Variants in MRPS15 observed in about 807,000 individuals in gnomAD.
MRPS15 encodes the protein mitochondrial ribosomal protein S15.
In MRPS15, 25 loss-of-function variants were observed where a neutral mutation model predicts 30.7. That is an observed-to-expected ratio of 0.81 (90% CI 0.59 to 1.14). MRPS15 has a LOEUF of 1.14. Among genes scored for constraint, MRPS15 ranks in the 50% most tolerant of loss-of-function variants. MRPS15 has a pLI of 0.00. For synonymous variants in MRPS15, 124 were observed against 120.1 expected (o/e 1.03, Z -0.21); for missense variants, 313 against 321.7 (o/e 0.97, Z 0.21).
intron 3 of MRPS15, 117 bp from the exon 4 acceptor site, chr1:36,461,429 A>C (rs1175816880): frequency 4.1e-6 from 4 of 970,104 alleles, no homozygotes; most frequent in Non-Finnish European, 6.4e-6. Context: ...GTAGCAAATG[A>C]ATCTCCCTGG....
rs569977624 is a variant in MRPS15 at position 36,458,227 on chromosome 1, C to T, written c.386-246G>A. The T allele has an allele frequency of 1.3e-5, 6 of 454,832 alleles. No homozygotes were observed. The highest frequency in any genetic ancestry group is 4.0e-5 in the African/African-American group (2 of 49,872). 28.2% of individuals were successfully genotyped at this position (454,832 alleles called of 1,614,324 possible). On this transcript the variant is annotated intron_variant, in intron 5 of 7. Transcript: ENST00000373116. This position sits in a 1 kb window ranked among gnomAD's most constrained non-coding sequence, Gnocchi z 4.5. ...TAAAGATATCATCCAAAAATCATAG[C>T]AAATAGCATTCTTTTTTTTGAGACG...
chr1:36,463,863 G>C lies in MRPS15; in HGVS notation c.131-13C>G, dbSNP rs778439220. The C allele has an allele frequency of 1.1e-5, 18 of 1,610,730 alleles. No homozygotes were observed. Among genetic ancestry groups the C allele is most frequent in the Non-Finnish European group, 1.5e-5 (18 of 1,178,372 alleles). On this transcript the variant is annotated splice_polypyrimidine_tract_variant and intron_variant, in intron 1 of 7. Coordinates refer to ENST00000373116, the MANE Select transcript of MRPS15 (RefSeq NM_031280.4). Reference sequence around the variant, plus strand: ...TGGAGGAGGAGACCTACGCAGAAAAGAGAGGGCTGAGGACCATCTCCTTAA... The same window carrying C: ...TGGAGGAGGAGACCTACGCAGAAAACAGAGGGCTGAGGACCATCTCCTTAA...
rs1267100514 is a variant in MRPS15 at position 36,464,304 on chromosome 1, G to C, written c.-29C>G. 6.3e-7 allele frequency: 1 copy of C among 1,588,578 alleles called. No homozygotes were observed. The highest frequency in any genetic ancestry group is 1.4e-5 in the African/African-American group (1 of 73,834). On this transcript the variant is annotated 5_prime_UTR_variant, in exon 1 of 8. Transcript: ENST00000373116. ...GACCTCTAACCCCCGCGGGGCCCGC[G>C]CCGCGGCCGCCGTTCGCTTTGCGGC...
At position 36,464,324 on chromosome 1, in the gene MRPS15, T is replaced by G. The variant is rs1234573600; in HGVS notation, c.-49A>C. 1.9e-6 allele frequency: 3 copies of G among 1,589,330 alleles called. No individual in the cohort carries two copies. On this transcript the variant is annotated 5_prime_UTR_variant, in exon 1 of 8. Coordinates refer to ENST00000373116, the MANE Select transcript of MRPS15 (RefSeq NM_031280.4). ...CCCGCGCCGCGGCCGCCGTTCGCTTTGCGGCACGGACCGGGTTACATGGGC... is the reference window on the plus strand; with the variant it reads ...CCCGCGCCGCGGCCGCCGTTCGCTTGGCGGCACGGACCGGGTTACATGGGC...
At chr1:36,456,124 C>T in intron 7 of MRPS15, 63 bp downstream of exon 7, 2 of 1,540,780 alleles carry the variant, frequency 1.3e-6, no homozygotes, top group Non-Finnish European at 1.8e-6. Flanking sequence ...TGATCCCTCC[C>T]TTCTGCTTCC....
At chr1:36,456,611 A>G (rs1650000372) in intron 6 of MRPS15, 4 of 466,042 alleles carry the variant, frequency 8.6e-6, no homozygotes, top group Admixed American at 4.0e-5. Flanking sequence ...GTGCTGAGAT[A>G]GGGTCTTGAA....
intron 2 of MRPS15, among the ~76,000 whole-genome samples, 183 bp downstream of exon 2, chr1:36,463,623 C>A (rs1650142394): frequency 6.6e-6 from 1 of 152,186 alleles, no homozygotes; most frequent in South Asian, 2.1e-4. Flanking sequence ...GCCCTTCACA[C>A]CCCTCTGTCC....
rs767669684 is a variant in MRPS15 at position 36,455,894 on chromosome 1, C to T, written c.668G>A (p.Arg223Gln). Residue 223 changes from arginine to glutamine, a missense_variant, in exon 8 of 8, where the codon CGA (arginine) becomes CAA (glutamine). Coordinates refer to ENST00000373116, the MANE Select transcript of MRPS15 (RefSeq NM_031280.4). ...TGCTGCAGCCTTTAAGGCTCTTCTT[C>T]GCTTCTTCAGCTTTTGAGTCTCCTG... ...VFQETQKLKK[R>Q]RRALKAAAAA... 2.0e-5 allele frequency: 33 copies of T among 1,613,768 alleles called. No individual in the cohort carries two copies. The highest frequency in any genetic ancestry group is 1.6e-4 in the Middle Eastern group (1 of 6,080).
rs1557581660 is a variant in MRPS15 at position 36,462,150 on chromosome 1, CAGCCT to C, written c.184_188del (p.Arg62GlyfsTer2). 6.2e-7 allele frequency: 1 copy of C among 1,612,728 alleles called. No individual in the cohort carries two copies. The highest frequency in any genetic ancestry group is 8.5e-7 in the Non-Finnish European group (1 of 1,179,114). On this transcript the variant is annotated frameshift_variant, in exon 3 of 8. Coordinates refer to ENST00000373116, the MANE Select transcript of MRPS15 (RefSeq NM_031280.4). LOFTEE classifies it high-confidence loss of function. The stretch of plus-strand genomic sequence containing the variant: ...GCGTAGAGGGAGGTGGGTCATCATC[CAGCCT>C]AGACTGGGCTGTCAAGTAAATATGG...
At chr1:36,460,622 A>G in intron 5 of MRPS15, 70 bp downstream of exon 5, 2 of 1,179,458 alleles carry the variant, frequency 1.7e-6, no homozygotes. Context: ...GCTTGTAGAC[A>G]AGAGCCCTAG....
At chr1:36,460,840 C>T (rs1650083041) in intron 4 of MRPS15, 64 bp from the exon 5 acceptor site, 1 of 1,348,014 alleles carries the variant, frequency 7.4e-7, no homozygotes. Context: ...TAGCCCTCCT[C>T]CCCCCAAGGG....
intron 5 of MRPS15, among the ~76,000 whole-genome samples, chr1:36,460,104 A>G (rs1049401472): frequency 1.3e-5 from 2 of 152,260 alleles, no homozygotes; most frequent in Admixed American, 6.5e-5. Context: ...TCCGCCTCCC[A>G]GGTTCACGCC....
rs543168881 is a variant in MRPS15 at position 36,463,895 on chromosome 1, C to T, written c.131-45G>A. 107 of 1,592,152 alleles carry T rather than the reference C, an allele frequency of 6.7e-5. No homozygotes were observed. In the South Asian group the frequency reaches 1.1e-3, roughly 16 times the overall value. ...CTGAGGACCATCTCCTTAAATAGCC[C>T]ACCCCTCAGTTCCTTTCTGTGCCCC... On this transcript the variant is annotated intron_variant, in intron 1 of 7. Coordinates refer to ENST00000373116, the MANE Select transcript of MRPS15 (RefSeq NM_031280.4).
chr1:36,460,694 C>G lies in MRPS15; in HGVS notation c.383G>C (p.Arg128Pro), dbSNP rs757441746. Residue 128 changes from arginine (R) to proline (P), a missense_variant and splice_region_variant, in exon 5 of 8, where the codon CGA becomes CCA. Physicochemically the swap from Arg to Pro is moderately radical, Grantham distance 103. Transcript: ENST00000373116. ...CTCCCCAAGGGTCCCCGACCAACTT[C>G]GAGCCTCCAGGGATCTGGTGTCCTC... ...NPEDTRSLEARIIALSVKIRS... is the reference protein window; with the variant it reads ...NPEDTRSLEAPIIALSVKIRS... 25 of 1,613,698 alleles carry G rather than the reference C, an allele frequency of 1.5e-5. No individual in the cohort carries two copies. Among genetic ancestry groups the G allele is most frequent in the Non-Finnish European group, 2.1e-5 (25 of 1,179,740 alleles).
At chr1:36,460,461 C>T (rs1344010225) in intron 5 of MRPS15, among the ~76,000 whole-genome samples, 1 of 152,178 alleles carries the variant, frequency 6.6e-6, no homozygotes, top group East Asian at 1.9e-4. Context: ...AGCAGGGGCT[C>T]CAAGAGAGGG....
At chr1:36,457,775 C>G in intron 6 of MRPS15, 148 bp downstream of exon 6, 2 of 710,836 alleles carry the variant, frequency 2.8e-6, no homozygotes, top group Admixed American at 4.7e-5. Context: ...CTCAGCATGG[C>G]CTTGTAAGGC....
chr1:36,463,815 G>A lies in MRPS15; in HGVS notation c.166C>T (p.Arg56Trp), dbSNP rs370062359. The A allele has an allele frequency of 5.0e-6, 8 of 1,612,348 alleles. No homozygotes were observed. Among genetic ancestry groups the A allele is most frequent in the Non-Finnish European group, 6.8e-6 (8 of 1,178,984 alleles). The change falls in exon 2 of 8, where the codon CGG becomes TGG. Residue 56 changes from arginine (R) to tryptophan (W), a missense_variant. Physicochemically the swap from Arg to Trp is moderately radical, Grantham distance 101. Coordinates refer to ENST00000373116, the MANE Select transcript of MRPS15 (RefSeq NM_031280.4). ...LLQAARGYVV[R>W]KPAQSRLDDD... ...CCTTAGGAACTCCTACCTGGTTTCC[G>A]GACGACATATCCGCGCGCGGCCTGG...
chr1:36,462,395 C>G (rs922981613), intron 2 of MRPS15, among the ~76,000 whole-genome samples: 1 of 152,236 alleles, frequency 6.6e-6, no homozygotes, highest in African/African-American at 2.4e-5. Context: ...ACTGTGCCTG[C>G]ACCTTTCACA....
At chr1:36,461,372 G>T in intron 3 of MRPS15, 60 bp from the exon 4 acceptor site, 1 of 1,493,052 alleles carries the variant, frequency 6.7e-7, no homozygotes, top group Non-Finnish European at 9.3e-7. Context: ...AAGCAATGCT[G>T]GTTTCATTTT....
Sources: allele counts gnomAD v4.1 joint callset (sites outside exome capture counted in the v4.1 genomes callset), GRCh38; gene constraint gnomAD v4.1.1; non-coding constraint Gnocchi (gnomAD v3.1); transcripts MANE v1.5; gene names NCBI Gene and HGNC (gene_info 2026-07-23, HGNC 2026-07-21).